The following IPP variants were observed in gnomAD, a reference collection of about 807,000 sequenced individuals.
IPP encodes the protein intracisternal A particle-promoted polypeptide.
In IPP, 41 loss-of-function variants were observed where a neutral mutation model predicts 64.1. That is an observed-to-expected ratio of 0.64 (90% CI 0.50 to 0.83). IPP has a LOEUF of 0.83. Ranked by LOEUF, IPP falls within the 40% of genes least tolerant of loss-of-function variation. IPP has a pLI of 0.00. For synonymous variants in IPP, 214 were observed against 235.2 expected (o/e 0.91, Z 0.83); for missense variants, 649 against 703.0 (o/e 0.92, Z 0.87).
chr1:45,741,374 A>G, intron 2 of IPP, 42 bp from the exon 3 acceptor site: 1 of 1,331,630 alleles, frequency 7.5e-7, no homozygotes, highest in Non-Finnish European at 1.0e-6. Context: ...AAATAAAAAC[A>G]AACATTGGCT....
intron 1 of IPP, among the ~76,000 whole-genome samples, chr1:45,746,714 T>C (rs1646139031): frequency 6.6e-6 from 1 of 152,144 alleles, no homozygotes; most frequent in African/African-American, 2.4e-5. Context: ...CAGTTAATAT[T>C]AAGGTATGAG....
Position 45,708,006 on chromosome 1 carries a change from T to G in IPP, c.1530+6240A>C, listed in dbSNP as rs116936098. On this transcript the variant is annotated intron_variant, in intron 8 of 8. Transcript: ENST00000396478. Reference sequence around the variant, plus strand: ...GACAAAAATTACTACTGACTACTTGTCAGAAAAAAATCTAAGAGGAAATTA... The same window carrying G: ...GACAAAAATTACTACTGACTACTTGGCAGAAAAAAATCTAAGAGGAAATTA... Among the ~76,000 whole-genome samples, 461 of 151,388 alleles carry G rather than the reference T, an allele frequency of 3.0e-3. 4 individuals carry two copies. Among genetic ancestry groups the G allele is most frequent in the East Asian group, 0.023 (117 of 5,166 alleles).
rs1646018813 is a variant in IPP, at chr1:45,738,863, A to AC, written c.724+2037_724+2038insG. 8.3e-5 allele frequency among the ~76,000 whole-genome samples: 11 copies of AC among 132,612 alleles called. No homozygotes were observed. The South Asian group carries it at 1.5e-3, about 18-fold the overall frequency. 87.0% of individuals were successfully genotyped at this position (132,612 alleles called of 152,430 possible). A position where few individuals can be genotyped will look rare whatever the true frequency, so the allele number is the denominator to read the frequency against. The stretch of plus-strand genomic sequence containing the variant: ...TCAAAAAAAAAAAAAAAAAAAAAAA[A>AC]AACAAGAAAAAAATCTATATAAAAC... On this transcript the variant is annotated intron_variant, in intron 3 of 8. Transcript: ENST00000396478.
intron 5 of IPP, among the ~76,000 whole-genome samples, chr1:45,719,681 A>G (rs1309611432): frequency 6.6e-6 from 1 of 152,112 alleles, no homozygotes; most frequent in East Asian, 1.9e-4. Flanking sequence ...GCCCTGGTAC[A>G]ATTTGAGTTT....
At chr1:45,712,790 G>T (rs544991468) in intron 8 of IPP, among the ~76,000 whole-genome samples, 1 of 150,472 alleles carries the variant, frequency 6.6e-6, no homozygotes, top group Non-Finnish European at 1.5e-5. Context: ...CCCAGGAGGC[G>T]GAGCTTGTAG....
At chr1:45,744,849 A>T (rs1293389478) in intron 2 of IPP, among the ~76,000 whole-genome samples, 1 of 151,974 alleles carries the variant, frequency 6.6e-6, no homozygotes, top group Non-Finnish European at 1.5e-5. Context: ...AAAAAAAAAA[A>T]AAATTTTTTT....
chr1:45,736,999 C>T (rs941034385), intron 3 of IPP, among the ~76,000 whole-genome samples: 6 of 146,690 alleles, frequency 4.1e-5, no homozygotes, highest in African/African-American at 1.0e-4. Context: ...GCCGAGATCG[C>T]GCCACTGCAC....
At position 45,714,353 on chromosome 1, in the gene IPP, T is replaced by A; in HGVS notation, c.1423A>T (p.Arg475Ter). The change falls in exon 8 of 9, where the codon AGA becomes TGA. Residue 475 changes from arginine to a stop codon, truncating the protein, a stop_gained. Coordinates refer to ENST00000396478, the MANE Select transcript of IPP (RefSeq NM_005897.3). LOFTEE classifies it high-confidence loss of function. ...AGTGCAGCCACACCAAGATATGCTC[T>A]CCTGGTTCCCATTGGAGGAAGTGGA... ...WSPLPPMGTR[R>*]AYLGVAALND... The A allele has an allele frequency of 6.2e-7, 1 of 1,614,102 alleles. No homozygotes were observed. Among genetic ancestry groups the A allele is most frequent in the Non-Finnish European group, 8.5e-7 (1 of 1,179,924 alleles).
In IPP at chr1:45,746,357, G is replaced by A. The variant is rs780057516; in HGVS notation, c.55C>T (p.His19Tyr). 4 of 1,613,714 alleles carry A rather than the reference G, an allele frequency of 2.5e-6. No individual in the cohort carries two copies. In the South Asian group the frequency reaches 3.3e-5, roughly 13 times the overall value. ...AADSPFSSDK[H>Y]AQLILAQINK... ...ATTTGGGCCAAGATGAGTTGGGCAT[G>A]TTTATCTGATGAAAAAGGACTATCA... The change falls in exon 2 of 9, where the codon CAT becomes TAT. Residue 19 changes from histidine to tyrosine, a missense_variant. Transcript: ENST00000396478.
intron 2 of IPP, among the ~76,000 whole-genome samples, chr1:45,744,852 A>AT (rs1424575999): frequency 2.0e-4 from 25 of 122,586 alleles, no homozygotes; most frequent in South Asian, 5.7e-4. Context: ...AAAAAAAAAA[A>AT]TTTTTTTTTA....
chr1:45,705,517 C>T (rs867193143), intron 8 of IPP, among the ~76,000 whole-genome samples: 1 of 152,016 alleles, frequency 6.6e-6, no homozygotes, highest in Admixed American at 6.6e-5. Flanking sequence ...AACTTTTAGG[C>T]ATTAGGCCAG....
At chr1:45,718,042 C>T (rs908231451) in intron 6 of IPP, among the ~76,000 whole-genome samples, 1 of 152,100 alleles carries the variant, frequency 6.6e-6, no homozygotes, top group African/African-American at 2.4e-5. Flanking sequence ...TATAACTTTC[C>T]CTAGGAACAA....
At chr1:45,722,494 G>A (rs1019067119) in intron 5 of IPP, among the ~76,000 whole-genome samples, 1 of 151,922 alleles carries the variant, frequency 6.6e-6, no homozygotes, top group South Asian at 2.1e-4. Flanking sequence ...GCAGTGAGTC[G>A]ACATCGCACC....
At chr1:45,745,779 C>T (rs138562932) in intron 2 of IPP, among the ~76,000 whole-genome samples, 2,121 of 151,984 alleles carry the variant, frequency 0.014, 25 homozygotes, top group South Asian at 0.026. Flanking sequence ...GCAGGAGAAT[C>T]GCTTGAACCT....
intron 8 of IPP, among the ~76,000 whole-genome samples, chr1:45,701,189 G>C (rs4564187): frequency 0.29 from 43,637 of 152,194 alleles, 6,394 homozygotes; most frequent in South Asian, 0.37. Context: ...TACTATCTGG[G>C]CTTTTACACA....
intron 3 of IPP, among the ~76,000 whole-genome samples, chr1:45,739,824 CT>C (rs552340899): frequency 0.22 from 27,767 of 127,816 alleles, 2,688 homozygotes; most frequent in Non-Finnish European, 0.26. Context: ...AAGAGGAAAT[CT>C]TTTTTTTTTT....
chr1:45,726,324 G>A (rs1248517351), intron 5 of IPP, among the ~76,000 whole-genome samples: 1 of 151,976 alleles, frequency 6.6e-6, no homozygotes, highest in African/African-American at 2.4e-5. Flanking sequence ...CGGGCGTGGT[G>A]GTACATGCCT....
intron 3 of IPP, among the ~76,000 whole-genome samples, chr1:45,734,196 AG>A (rs1474564558): frequency 6.6e-6 from 1 of 152,124 alleles, no homozygotes; most frequent in Admixed American, 6.6e-5. Context: ...CTTAGCAAAA[AG>A]TTGATACTGT....
At position 45,742,193 on chromosome 1, in the gene IPP, AT is replaced by A. The variant is rs1646075569; in HGVS notation, c.293-862del. The stretch of plus-strand genomic sequence containing the variant: ...GCATACACGTGGACACCAAGAAGAC[AT>A]GGATACACATTCGGGCCTACTTGAG... On this transcript the variant is annotated intron_variant, in intron 2 of 8. Transcript: ENST00000396478. Among the ~76,000 whole-genome samples the A allele has an allele frequency of 1.3e-5, 2 of 152,212 alleles. 1 individual carries two copies. The highest frequency in any genetic ancestry group is 4.1e-4 in the South Asian group (2 of 4,832).
Sources: gnomAD v4.1 joint callset for allele counts (sites outside exome capture counted in the v4.1 genomes callset) on GRCh38, gnomAD v4.1.1 for gene constraint, MANE v1.5 for transcripts, NCBI Gene and HGNC (gene_info 2026-07-23, HGNC 2026-07-21) for gene names.